The following THSD4 variants were observed in gnomAD, a reference collection of about 807,000 sequenced individuals.
THSD4 encodes the protein thrombospondin type 1 domain containing 4.
Under a neutral mutation model 119.0 loss-of-function variants are expected in THSD4, and 69 were observed. The observed-to-expected ratio is 0.58, with a 90% CI of 0.48 to 0.71. The LOEUF (loss-of-function observed/expected upper bound fraction) is 0.71. Among genes scored for constraint, THSD4 ranks in the 30% least tolerant of loss-of-function variants. The probability of loss-of-function intolerance (pLI) is 0.00; values close to 1 mark genes in which losing one functional copy is unlikely to be tolerated. For synonymous variants in THSD4, 524 were observed against 540.4 expected (o/e 0.97, Z 0.42); for missense variants, 1,393 against 1,391.1 (o/e 1.00, Z -0.02).
At chr15:71,651,872 G>A (rs1410741073) in intron 7 of THSD4, among the ~76,000 whole-genome samples, 2 of 152,146 alleles carry the variant, frequency 1.3e-5, no homozygotes, top group East Asian at 3.9e-4. Context: ...AGGCTTAGAG[G>A]TGCCATCTTG....
chr15:71,419,847 G>A (rs4622467), intron 7 of THSD4, among the ~76,000 whole-genome samples: 103,128 of 106,626 alleles, frequency 0.97, 50,872 homozygotes, highest in Middle Eastern at 1. Flanking sequence ...CACACTTGAT[G>A]TTATTTCCAT....
intron 7 of THSD4, among the ~76,000 whole-genome samples, chr15:71,516,176 A>G (rs2048359064): frequency 6.6e-6 from 1 of 152,292 alleles, no homozygotes; most frequent in South Asian, 2.1e-4. Flanking sequence ...AGAGGAGAGG[A>G]AGCTAATGGA....
chr15:71,154,481 A>G (rs1244926552), intron 2 of THSD4, among the ~76,000 whole-genome samples: 2 of 152,202 alleles, frequency 1.3e-5, no homozygotes, highest in African/African-American at 4.8e-5. Flanking sequence ...TGTGGGCTAC[A>G]CTAGCACTCC....
intron 6 of THSD4, among the ~76,000 whole-genome samples, chr15:71,375,532 T>C (rs1176425063): frequency 6.6e-6 from 1 of 152,214 alleles, no homozygotes; most frequent in Non-Finnish European, 1.5e-5. Context: ...GGACTTTGCC[T>C]GTCTGTGTTA....
intron 3 of THSD4, among the ~76,000 whole-genome samples, chr15:71,202,327 G>T (rs960932988): frequency 1.3e-5 from 2 of 152,092 alleles, no homozygotes; most frequent in African/African-American, 4.8e-5. Flanking sequence ...GTTTAGGGTG[G>T]TCATCTCTTG....
At chr15:71,588,822 T>C (rs1305269189) in intron 7 of THSD4, among the ~76,000 whole-genome samples, 1 of 152,138 alleles carries the variant, frequency 6.6e-6, no homozygotes, top group Non-Finnish European at 1.5e-5. Context: ...GTATCAGTTA[T>C]GCAGAGTGGG....
chr15:71,139,757 T>C (rs548756564), intron 1 of THSD4, among the ~76,000 whole-genome samples: 1 of 152,368 alleles, frequency 6.6e-6, no homozygotes, highest in South Asian at 2.1e-4. Flanking sequence ...CCACATTTTC[T>C]GGTGAAAAGG....
intron 6 of THSD4, among the ~76,000 whole-genome samples, chr15:71,305,203 A>G (rs1046661731): frequency 1.3e-5 from 2 of 152,232 alleles, no homozygotes; most frequent in Admixed American, 6.5e-5. Flanking sequence ...ATTTGTCTCT[A>G]TTAATCTTCT....
intron 7 of THSD4, among the ~76,000 whole-genome samples, chr15:71,637,872 C>T (rs2050778229): frequency 6.6e-6 from 1 of 151,770 alleles, no homozygotes; most frequent in South Asian, 2.1e-4. Context: ...ATTACAGGCA[C>T]CCGCCACCAC....
intron 7 of THSD4, among the ~76,000 whole-genome samples, chr15:71,504,412 T>C (rs1026596055): frequency 6.6e-6 from 1 of 152,210 alleles, no homozygotes; most frequent in Non-Finnish European, 1.5e-5. Flanking sequence ...TTACAGGACC[T>C]CTTTATGAAG....
chr15:71,316,701 G>A (rs1404709440), intron 6 of THSD4, among the ~76,000 whole-genome samples: 2 of 152,102 alleles, frequency 1.3e-5, no homozygotes, highest in South Asian at 2.1e-4. Flanking sequence ...GACCAGAGTG[G>A]GGCTCCCTGG....
intron 7 of THSD4, among the ~76,000 whole-genome samples, chr15:71,659,579 A>G (rs192323856): frequency 5.3e-5 from 8 of 152,012 alleles, no homozygotes; most frequent in Admixed American, 2.0e-4. Flanking sequence ...CACCTGGTTA[A>G]TTTTTTACTT....
At chr15:71,257,200 G>A (rs2140289245) in intron 6 of THSD4, among the ~76,000 whole-genome samples, 1 of 152,236 alleles carries the variant, frequency 6.6e-6, no homozygotes, top group African/African-American at 2.4e-5. Context: ...TTGCCCGTGA[G>A]TACAAGATCC....
intron 8 of THSD4, among the ~76,000 whole-genome samples, chr15:71,678,270 AAAC>A (rs2141025439): frequency 6.6e-6 from 1 of 152,356 alleles, no homozygotes; most frequent in East Asian, 1.9e-4. Context: ...TCTAAGGTTT[AAAC>A]AACGTTTAAT....
chr15:71,758,205 C>G, intron 15 of THSD4, 130 bp downstream of exon 15: 1 of 1,151,722 alleles, frequency 8.7e-7, no homozygotes, highest in East Asian at 2.6e-5. Flanking sequence ...CTATCTGTGA[C>G]CCTGGAGAAG....
At chr15:71,543,688 G>A (rs1203152053) in intron 7 of THSD4, among the ~76,000 whole-genome samples, 1 of 152,200 alleles carries the variant, frequency 6.6e-6, no homozygotes, top group East Asian at 1.9e-4. Context: ...TGGGTATATC[G>A]ACCTACAGGT....
At chr15:71,112,147 C>A (rs200246125), upstream of THSD4, 1 of 1,613,566 alleles carries the variant, frequency 6.2e-7, no homozygotes, top group Admixed American at 1.7e-5. Context: ...GGAGCCCTCA[C>A]CACGTGCAGA....
At chr15:71,697,332 T>C (rs1261861221) in intron 8 of THSD4, among the ~76,000 whole-genome samples, 2 of 151,814 alleles carry the variant, frequency 1.3e-5, no homozygotes, top group Non-Finnish European at 2.9e-5. Flanking sequence ...GTGCATGAAA[T>C]TGGGGAGTGA....
chr15:71,110,061 T>C (rs2040292443), intron 1 of THSD4, among the ~76,000 whole-genome samples: 1 of 152,188 alleles, frequency 6.6e-6, no homozygotes, highest in Non-Finnish European at 1.5e-5. Flanking sequence ...TCAAGCACAA[T>C]GTAAGCTGAT....
Sources: gnomAD v4.1 joint callset for allele counts (sites outside exome capture counted in the v4.1 genomes callset) on GRCh38, gnomAD v4.1.1 for gene constraint, MANE v1.5 for transcripts, NCBI Gene and HGNC (gene_info 2026-07-23, HGNC 2026-07-21) for gene names.